The following AFF3 variants were observed in gnomAD, a reference collection of about 807,000 sequenced individuals.
The protein encoded by AFF3 is ALF transcription elongation factor 3, also known as AF4/FMR2 family member 3.
Under a neutral mutation model 129.7 loss-of-function variants are expected in AFF3, and 32 were observed. The ratio of observed to expected loss-of-function variants is 0.25; its 90% confidence interval spans 0.19 to 0.33. The LOEUF (loss-of-function observed/expected upper bound fraction) is 0.33. Among genes scored for constraint, AFF3 ranks in the 10% least tolerant of loss-of-function variants. The probability of loss-of-function intolerance (pLI) is 1.00; values close to 1 mark genes in which losing one functional copy is unlikely to be tolerated. For synonymous variants in AFF3, 644 were observed against 635.4 expected (o/e 1.01, Z -0.20); for missense variants, 1,373 against 1,592.0 (o/e 0.86, Z 2.34).
At position 99,718,896 on chromosome 2, in the gene AFF3, G is replaced by A. The variant is rs1391753000; in HGVS notation, c.1091+8181C>T. 5.9e-5 allele frequency among the ~76,000 whole-genome samples: 9 copies of A among 151,764 alleles called. No homozygotes were observed. The East Asian group carries it at 1.5e-3, about 26-fold the overall frequency. On this transcript the variant is annotated intron_variant, in intron 11 of 24. Transcript: ENST00000672756. ...CTCCCGAGTAGCTGGGACTACAGGTGCCCGCCACCATGCCCGGCTAATTTT... is the reference window on the plus strand; with the variant it reads ...CTCCCGAGTAGCTGGGACTACAGGTACCCGCCACCATGCCCGGCTAATTTT...
rs184803812 is a variant in AFF3, at chr2:100,095,542, C to T, written c.53+8860G>A. Among the ~76,000 whole-genome samples the T allele has an allele frequency of 3.1e-4, 47 of 152,244 alleles. No individual in the cohort carries two copies. The East Asian group carries it at 8.3e-3, about 27-fold the overall frequency. On this transcript the variant is annotated intron_variant, in intron 4 of 24. Coordinates refer to ENST00000672756, the MANE Select transcript of AFF3 (RefSeq NM_001386135.1). ...CTCAAGACTGCAAGATTTAAATTTG[C>T]CCTACTATTCGTGAAAATTCACCTT...
chr2:100,085,370 T>C (rs567634905), intron 4 of AFF3, among the ~76,000 whole-genome samples: 10 of 151,516 alleles, frequency 6.6e-5, no homozygotes, highest in African/African-American at 2.2e-4. Flanking sequence ...CTCACCTAAC[T>C]GCACCCCTGT....
At position 99,799,590 on chromosome 2, in the gene AFF3, A is replaced by G. The variant is rs550798969; in HGVS notation, c.921+37887T>C. On this transcript the variant is annotated intron_variant, in intron 8 of 24. Transcript: ENST00000672756. ...ATGCAATCATAATAAAAATCCTAAT[A>G]GGCTTTTTATTTGTGTGGAAATTGA... Among the ~76,000 whole-genome samples, 9 of 152,220 alleles carry G rather than the reference A, an allele frequency of 5.9e-5. No individual in the cohort carries two copies. In the South Asian group the frequency reaches 1.9e-3, roughly 32 times the overall value.
chr2:99,979,040 A>G (rs1018214190), intron 7 of AFF3, among the ~76,000 whole-genome samples: 1 of 152,174 alleles, frequency 6.6e-6, no homozygotes, highest in African/African-American at 2.4e-5. Flanking sequence ...GATCAACGCA[A>G]TGATCTCTTC....
intron 7 of AFF3, among the ~76,000 whole-genome samples, chr2:99,985,656 A>T (rs1046624716): frequency 9.2e-5 from 14 of 152,234 alleles, no homozygotes; most frequent in African/African-American, 3.4e-4. Context: ...CTAAGCAAAA[A>T]GGCCAATAAT....
At chr2:99,659,732 G>T (rs1388137856) in intron 12 of AFF3, among the ~76,000 whole-genome samples, 1 of 152,124 alleles carries the variant, frequency 6.6e-6, no homozygotes, top group African/African-American at 2.4e-5. Context: ...GTATGCACAC[G>T]ATGAAGCTTT....
rs534825679 is a variant in AFF3, at chr2:100,041,754, G to A, written c.54-32822C>T. 3.9e-5 allele frequency among the ~76,000 whole-genome samples: 6 copies of A among 152,236 alleles called. No homozygotes were observed. In the South Asian group the frequency reaches 1.2e-3, roughly 32 times the overall value. On this transcript the variant is annotated intron_variant, in intron 4 of 24. Coordinates refer to ENST00000672756, the MANE Select transcript of AFF3 (RefSeq NM_001386135.1). ...TGAATATTAAACTGTTAGAAACATA[G>A]GGAGATATAATTCATTGACTCATTT...
intron 8 of AFF3, among the ~76,000 whole-genome samples, chr2:99,786,627 C>CAGAT (rs1454111485): frequency 6.6e-6 from 1 of 152,046 alleles, no homozygotes; most frequent in Admixed American, 6.5e-5. Flanking sequence ...GTAAATAGAA[C>CAGAT]AGATACTGAA....
chr2:100,083,312 G>A (rs919833898), intron 4 of AFF3, among the ~76,000 whole-genome samples: 3 of 152,194 alleles, frequency 2.0e-5, no homozygotes, highest in Non-Finnish European at 1.5e-5. Flanking sequence ...ACTGTGCCAT[G>A]AGGAAATGAC....
intron 7 of AFF3, among the ~76,000 whole-genome samples, chr2:99,868,261 T>C (rs1232877452): frequency 6.6e-6 from 1 of 152,144 alleles, no homozygotes; most frequent in East Asian, 1.9e-4. Flanking sequence ...AACAGGGCAA[T>C]AACTAAAATC....
chr2:100,022,480 G>C (rs990423482), intron 4 of AFF3, among the ~76,000 whole-genome samples: 1 of 151,488 alleles, frequency 6.6e-6, no homozygotes, highest in South Asian at 2.1e-4. Flanking sequence ...GTGTGATCTC[G>C]GCTCACTGTG....
At chr2:99,957,973 G>C (rs1159641766) in intron 7 of AFF3, among the ~76,000 whole-genome samples, 1 of 152,082 alleles carries the variant, frequency 6.6e-6, no homozygotes, top group Admixed American at 6.6e-5. Context: ...AATTAAAACG[G>C]GATGGTTTTC....
chr2:99,599,876 T>C (rs569333497), intron 14 of AFF3, among the ~76,000 whole-genome samples: 24 of 152,342 alleles, frequency 1.6e-4, no homozygotes, highest in African/African-American at 4.3e-4. Context: ...TCATTTTGAA[T>C]TATCCCCATT....
chr2:99,929,700 GC>G (rs1276425064), intron 7 of AFF3, among the ~76,000 whole-genome samples: 1 of 152,120 alleles, frequency 6.6e-6, no homozygotes, highest in Non-Finnish European at 1.5e-5. Flanking sequence ...AGTTCACAGT[GC>G]AATAAAGTAC....
At chr2:99,851,258 A>G (rs1027178707) in intron 7 of AFF3, among the ~76,000 whole-genome samples, 4 of 152,248 alleles carry the variant, frequency 2.6e-5, no homozygotes, top group African/African-American at 9.6e-5. Flanking sequence ...AAAGTGAGGT[A>G]GCAACTACTG....
At chr2:99,673,245 G>C (rs547016530) in intron 11 of AFF3, among the ~76,000 whole-genome samples, 1 of 151,988 alleles carries the variant, frequency 6.6e-6, no homozygotes, top group African/African-American at 2.4e-5. Context: ...AAGCTTCTTA[G>C]GCCATCCATC....
intron 13 of AFF3, among the ~76,000 whole-genome samples, chr2:99,642,191 C>T (rs973594270): frequency 1.3e-5 from 2 of 152,166 alleles, no homozygotes; most frequent in East Asian, 1.9e-4. Flanking sequence ...AATCCCCACT[C>T]GCTACAAGAG....
At chr2:99,738,660 T>C (rs552555565) in intron 10 of AFF3, among the ~76,000 whole-genome samples, 11 of 152,300 alleles carry the variant, frequency 7.2e-5, no homozygotes, top group African/African-American at 2.4e-4. Context: ...GTGGCTTTCC[T>C]GTATCAGTAT....
At chr2:100,048,528 A>G in intron 4 of AFF3, among the ~76,000 whole-genome samples, 1 of 152,252 alleles carries the variant, frequency 6.6e-6, no homozygotes, top group Non-Finnish European at 1.5e-5. Context: ...TTAATTAGTG[A>G]AACCCATTTA....
Sources: allele counts gnomAD v4.1 joint callset (sites outside exome capture counted in the v4.1 genomes callset), GRCh38; gene constraint gnomAD v4.1.1; transcripts MANE v1.5; gene names NCBI Gene and HGNC (gene_info 2026-07-23, HGNC 2026-07-21).